SYTL3: variants seen among roughly 807,000 people sequenced by gnomAD.
SYTL3 encodes synaptotagmin like 3, also known as synaptotagmin-like protein 3.
Under a neutral mutation model 82.1 loss-of-function variants are expected in SYTL3, and 88 were observed. The observed-to-expected ratio is 1.07, with a 90% CI of 0.90 to 1.28. The LOEUF (loss-of-function observed/expected upper bound fraction) is 1.28. Among genes scored for constraint, SYTL3 ranks in the 50% most tolerant of loss-of-function variants. The probability of loss-of-function intolerance (pLI) is 0.00; values close to 1 mark genes in which losing one functional copy is unlikely to be tolerated. For missense variants in SYTL3, 831 were observed against 757.6 expected (o/e 1.10, Z -1.14); for synonymous variants, 311 against 289.4 (o/e 1.07, Z -0.76).
In SYTL3 at chr6:158,762,092, A is replaced by G. The variant is rs1326927802; in HGVS notation, c.1431A>G (p.Ser477=). 6.2e-7 allele frequency: 1 copy of G among 1,613,730 alleles called. No homozygotes were observed. The highest frequency in any genetic ancestry group is 8.5e-7 in the Non-Finnish European group (1 of 1,179,852). Residue 477 remains serine, a synonymous_variant, in exon 16 of 18, where the codon TCA becomes TCG. Transcript: ENST00000611299. ...TCCTTCCAGGGACAGATCAGCCATC[A>G]CTTCATGGTCAACTTTGTTTGGTAG... ...QEAQEGTDQP[S]LHGQLCLVVL... is the part of the protein sequence containing the mutation.
intron 6 of SYTL3, among the ~76,000 whole-genome samples, chr6:158,703,693 C>G (rs1781589954): frequency 6.6e-6 from 1 of 152,104 alleles, no homozygotes; most frequent in Non-Finnish European, 1.5e-5. Context: ...GTGTCTCTAG[C>G]AACCCCTGCC....
chr6:158,751,968 G>A lies in SYTL3; in HGVS notation c.1075G>A (p.Gly359Arg). The change falls in exon 13 of 18, where the codon GGA becomes AGA. Residue 359 changes from glycine (G) to arginine (R), a missense_variant. Transcript: ENST00000611299. ...TYLLPDRSSQ[G>R]KRKTGVQRNT... ...CCTGTTGCCCGACAGATCCTCCCAG[G>A]GAAAGCGCAAGACTGGAGTCCAAAG... The A allele has an allele frequency of 1.9e-6, 3 of 1,602,736 alleles. No homozygotes were observed. Among genetic ancestry groups the A allele is most frequent in the Non-Finnish European group, 2.6e-6 (3 of 1,175,058 alleles).
chr6:158,690,683 AT>A (rs2128420064), intron 6 of SYTL3, among the ~76,000 whole-genome samples: 1 of 152,278 alleles, frequency 6.6e-6, no homozygotes, highest in East Asian at 1.9e-4. Flanking sequence ...AATTTTAAAT[AT>A]TTTGATTTAT....
intron 5 of SYTL3, among the ~76,000 whole-genome samples, chr6:158,679,056 G>A (rs909596156): frequency 6.6e-6 from 1 of 152,164 alleles, no homozygotes; most frequent in Admixed American, 6.5e-5. Flanking sequence ...TCTAAGGGCA[G>A]TGAGTGGTCC....
chr6:158,758,286 A>G (rs1056675075), intron 14 of SYTL3, among the ~76,000 whole-genome samples: 2 of 152,048 alleles, frequency 1.3e-5, no homozygotes, highest in Admixed American at 1.3e-4. Context: ...AAAAATACAA[A>G]AATTAGCTGG....
intron 4 of SYTL3, 61 bp from the exon 5 acceptor site, chr6:158,665,334 C>A: frequency 6.7e-7 from 1 of 1,498,916 alleles, no homozygotes; most frequent in Non-Finnish European, 9.0e-7. Flanking sequence ...GGGCTCTTGC[C>A]CTATAGCCTG....
intron 6 of SYTL3, among the ~76,000 whole-genome samples, chr6:158,693,809 C>G (rs1302079403): frequency 6.7e-6 from 1 of 149,166 alleles, no homozygotes; most frequent in Admixed American, 6.7e-5. Flanking sequence ...TCCAAAAGTG[C>G]TGGGATTACA....
intron 14 of SYTL3, among the ~76,000 whole-genome samples, chr6:158,759,555 C>CG (rs1303940340): frequency 1.3e-5 from 2 of 152,292 alleles, no homozygotes; most frequent in East Asian, 1.9e-4. Context: ...TATTTTGAGA[C>CG]GGAGTTTTGC....
chr6:158,698,160 G>A (rs1303827979), intron 6 of SYTL3, among the ~76,000 whole-genome samples: 1 of 152,166 alleles, frequency 6.6e-6, no homozygotes, highest in Non-Finnish European at 1.5e-5. Flanking sequence ...ACTTTGAAAG[G>A]CAGAGGCGGG....
intron 11 of SYTL3, among the ~76,000 whole-genome samples, chr6:158,737,040 A>C (rs997599819): frequency 7.2e-5 from 5 of 69,070 alleles, no homozygotes; most frequent in East Asian, 3.4e-4. Flanking sequence ...ATTTCATGGC[A>C]AAAAAAAAAA....
rs1242696089 is a variant in SYTL3 at position 158,673,653 on chromosome 6, A to G, written c.329+8040A>G. On this transcript the variant is annotated intron_variant, in intron 5 of 17. Transcript: ENST00000611299. Reference sequence around the variant, plus strand: ...ACGGGGTTTCACCATGTTAGCCAGGATGGTCCCAATCTTCTGACCTCGTGA... The same window carrying G: ...ACGGGGTTTCACCATGTTAGCCAGGGTGGTCCCAATCTTCTGACCTCGTGA... Among the ~76,000 whole-genome samples the G allele has an allele frequency of 2.7e-5, 4 of 149,152 alleles. No homozygotes were observed. The East Asian group carries it at 8.5e-4, about 32-fold the overall frequency.
At chr6:158,733,396 A>G (rs1785671972) in intron 11 of SYTL3, among the ~76,000 whole-genome samples, 1 of 151,926 alleles carries the variant, frequency 6.6e-6, no homozygotes, top group South Asian at 2.1e-4. Context: ...GCCCAACCTC[A>G]GTTCACTGCA....
chr6:158,755,140 C>T (rs3123097), intron 13 of SYTL3, among the ~76,000 whole-genome samples: 74,199 of 151,878 alleles, frequency 0.49, 18,883 homozygotes, highest in African/African-American at 0.56. Flanking sequence ...CCCAGGAGTT[C>T]GAGACCAGCC....
intron 17 of SYTL3, 46 bp from the exon 18 acceptor site, chr6:158,764,449 G>A: frequency 2.1e-6 from 3 of 1,396,354 alleles, no homozygotes; most frequent in South Asian, 2.3e-5. Flanking sequence ...AGGGGATGAA[G>A]TGGTGCCCTC....
intron 5 of SYTL3, among the ~76,000 whole-genome samples, chr6:158,681,732 A>G (rs970416878): frequency 1.3e-5 from 2 of 152,196 alleles, no homozygotes; most frequent in Non-Finnish European, 2.9e-5. Context: ...ATCAACACAC[A>G]TTGATCCCAT....
At chr6:158,761,152 G>A (rs1771432696) in intron 15 of SYTL3, among the ~76,000 whole-genome samples, 1 of 152,180 alleles carries the variant, frequency 6.6e-6, no homozygotes, top group African/African-American at 2.4e-5. Context: ...CATGTGGGTA[G>A]CTGCTGCCCA....
At chr6:158,648,244 G>T (rs1340772891), upstream of SYTL3, among the ~76,000 whole-genome samples, 1 of 152,032 alleles carries the variant, frequency 6.6e-6, no homozygotes, top group Non-Finnish European at 1.5e-5. Context: ...GGTGAGCTGA[G>T]ATAGCGCCAT....
intron 12 of SYTL3, among the ~76,000 whole-genome samples, chr6:158,751,138 G>T (rs1356705774): frequency 1.3e-5 from 2 of 152,104 alleles, no homozygotes; most frequent in African/African-American, 4.8e-5. Flanking sequence ...CTTAACCTAG[G>T]GGGAAGAAGA....
At chr6:158,732,380 C>G (rs1011177833) in intron 11 of SYTL3, among the ~76,000 whole-genome samples, 1 of 152,212 alleles carries the variant, frequency 6.6e-6, no homozygotes, top group Non-Finnish European at 1.5e-5. Context: ...ATATAAATGC[C>G]TGGCTAAAAT....
Sources: allele counts gnomAD v4.1 joint callset (sites outside exome capture counted in the v4.1 genomes callset), GRCh38; gene constraint gnomAD v4.1.1; transcripts MANE v1.5; gene names NCBI Gene and HGNC (gene_info 2026-07-23, HGNC 2026-07-21).